VTI1A: variants seen among roughly 807,000 people sequenced by gnomAD.
VTI1A encodes the protein vesicle transport through interaction with t-SNAREs 1A, also known as vesicle transport through interaction with t-SNAREs homolog 1A.
Under a neutral mutation model 34.9 loss-of-function variants are expected in VTI1A, and 22 were observed. The observed-to-expected ratio is 0.63, with a 90% CI of 0.45 to 0.90. The LOEUF (loss-of-function observed/expected upper bound fraction) is 0.90. Ranked by LOEUF, VTI1A falls within the 40% of genes least tolerant of loss-of-function variation. The pLI, the probability that VTI1A is intolerant of heterozygous loss-of-function variation, is 0.00. For synonymous variants in VTI1A, 87 were observed against 97.3 expected, an observed-to-expected ratio of 0.89 and a Z score of 0.62; for missense variants, 268 against 275.6, an observed-to-expected ratio of 0.97 and a Z score of 0.20.
At chr10:112,569,200 A>C (rs112602465) in intron 5 of VTI1A, among the ~76,000 whole-genome samples, 9 of 152,244 alleles carry the variant, frequency 5.9e-5, no homozygotes, top group African/African-American at 2.2e-4. Context: ...AAGTAGGTTA[A>C]TTGTGTGCCT....
intron 5 of VTI1A, among the ~76,000 whole-genome samples, chr10:112,658,921 AG>A (rs1847338126): frequency 6.6e-6 from 1 of 152,246 alleles, no homozygotes; most frequent in South Asian, 2.1e-4. Context: ...TAAAAGCAAA[AG>A]ATGTTTGCTA....
the VTI1A span, among the ~76,000 whole-genome samples, chr10:112,847,133 A>G: frequency 6.6e-6 from 1 of 152,188 alleles, no homozygotes; most frequent in African/African-American, 2.4e-5. Context: ...ATTGAGAGAA[A>G]TGGATGACAG....
chr10:112,825,105 A>G, the VTI1A span: 1 of 152,192 alleles, frequency 6.6e-6, no homozygotes. Flanking sequence ...ATTCTTAATA[A>G]TTTTATCTTT....
intron 3 of VTI1A, among the ~76,000 whole-genome samples, chr10:112,523,348 CACTT>C (rs1274407356): frequency 1.3e-5 from 2 of 152,074 alleles, no homozygotes; most frequent in Non-Finnish European, 2.9e-5. Context: ...ATTCATAACT[CACTT>C]GTGTCATCAG....
At chr10:112,504,054 C>A (rs1161131401) in intron 3 of VTI1A, among the ~76,000 whole-genome samples, 1 of 152,146 alleles carries the variant, frequency 6.6e-6, no homozygotes, top group Non-Finnish European at 1.5e-5. Context: ...CCTGAAATTT[C>A]CCCGTCATTT....
At chr10:112,819,784 G>T (rs1329806063), downstream of VTI1A, among the ~76,000 whole-genome samples, 1 of 152,186 alleles carries the variant, frequency 6.6e-6, no homozygotes, top group African/African-American at 2.4e-5. Context: ...TGCTATGGCT[G>T]CTGTCTATGT....
At chr10:112,524,871 T>A (rs1367874912) in intron 3 of VTI1A, among the ~76,000 whole-genome samples, 4 of 152,184 alleles carry the variant, frequency 2.6e-5, no homozygotes, top group African/African-American at 9.7e-5. Flanking sequence ...AAGGTTCTCA[T>A]TTCCTTTAAT....
chr10:112,464,417 A>G, intron 2 of VTI1A, 130 bp from the exon 3 acceptor site: 2 of 729,856 alleles, frequency 2.7e-6, no homozygotes, highest in South Asian at 3.7e-5. Flanking sequence ...TTATTTGATC[A>G]TTCAGCACCC....
At chr10:112,725,679 G>C (rs1849995213) in intron 7 of VTI1A, among the ~76,000 whole-genome samples, 1 of 152,228 alleles carries the variant, frequency 6.6e-6, no homozygotes, top group African/African-American at 2.4e-5. Context: ...CAACTATTTG[G>C]TTACTCTGAA....
chr10:112,501,091 T>C (rs1016264871), intron 3 of VTI1A, among the ~76,000 whole-genome samples: 12 of 152,206 alleles, frequency 7.9e-5, no homozygotes, highest in African/African-American at 2.7e-4. Flanking sequence ...CCTGGTATCA[T>C]CGAGGAGCTC....
chr10:112,580,430 C>T (rs1444285919), intron 5 of VTI1A, among the ~76,000 whole-genome samples: 1 of 152,148 alleles, frequency 6.6e-6, no homozygotes, highest in East Asian at 1.9e-4. Context: ...CAAGGTGACT[C>T]AGCAGGAGCG....
At chr10:112,581,073 A>AAAC (rs1843910720) in intron 5 of VTI1A, among the ~76,000 whole-genome samples, 2 of 152,162 alleles carry the variant, frequency 1.3e-5, no homozygotes, top group South Asian at 4.1e-4. Context: ...AACTCTATGG[A>AAAC]TCACACCAGT....
intron 5 of VTI1A, among the ~76,000 whole-genome samples, chr10:112,607,286 CAAA>C (rs368476703): frequency 8.6e-6 from 1 of 115,652 alleles, no homozygotes; most frequent in Admixed American, 9.2e-5. Flanking sequence ...GACTCCATCT[CAAA>C]AAAAAAAAAA....
chr10:112,625,365 C>T (rs972900943), intron 5 of VTI1A, among the ~76,000 whole-genome samples: 3 of 152,004 alleles, frequency 2.0e-5, no homozygotes, highest in South Asian at 4.1e-4. Context: ...AGGCCGGGCG[C>T]GGCGGCTTCA....
intron 5 of VTI1A, 147 bp from the exon 6 acceptor site, chr10:112,668,071 A>AT (rs1847708342): frequency 1.6e-6 from 1 of 611,084 alleles, no homozygotes; most frequent in Admixed American, 3.0e-5. Context: ...TACTGTTTAT[A>AT]TTTTTCAAAT....
In VTI1A at chr10:112,685,084, T is replaced by G. The variant is rs575320491; in HGVS notation, c.560+16086T>G. Reference sequence around the variant, plus strand: ...GTTTTCTTTGTTTAGTTTTGGTTTTTTAAATCTTTGGAATTGAACAGAGTC... The same window carrying G: ...GTTTTCTTTGTTTAGTTTTGGTTTTGTAAATCTTTGGAATTGAACAGAGTC... On this transcript the variant is annotated intron_variant, in intron 7 of 7. Coordinates refer to ENST00000393077, the MANE Select transcript of VTI1A (RefSeq NM_145206.4). Among the ~76,000 whole-genome samples the G allele has an allele frequency of 2.3e-3, 350 of 152,368 alleles. 1 individual carries two copies. Among genetic ancestry groups the G allele is most frequent in the African/African-American group, 7.6e-3 (317 of 41,596 alleles).
intron 4 of VTI1A, among the ~76,000 whole-genome samples, chr10:112,528,955 A>G (rs780614598): frequency 6.6e-6 from 1 of 152,090 alleles, no homozygotes; most frequent in Non-Finnish European, 1.5e-5. Context: ...TATGATTTTT[A>G]TGCCTAAAGA....
intron 5 of VTI1A, among the ~76,000 whole-genome samples, chr10:112,588,944 T>C (rs1304497646): frequency 1.3e-5 from 2 of 152,148 alleles, no homozygotes; most frequent in African/African-American, 4.8e-5. Context: ...TAGAGGTATT[T>C]ATTTCAGTCA....
intron 5 of VTI1A, among the ~76,000 whole-genome samples, chr10:112,613,960 C>T (rs1187729404): frequency 6.6e-6 from 1 of 151,960 alleles, no homozygotes; most frequent in African/African-American, 2.4e-5. Flanking sequence ...CTTGCTGTTC[C>T]TTTTTTTTCG....
Sources: allele counts gnomAD v4.1 joint callset (sites outside exome capture counted in the v4.1 genomes callset), GRCh38; gene constraint gnomAD v4.1.1; transcripts MANE v1.5; gene names NCBI Gene and HGNC (gene_info 2026-07-23, HGNC 2026-07-21).